The following STXBP6 variants were observed in gnomAD, a reference collection of about 807,000 sequenced individuals.
STXBP6 encodes syntaxin-binding protein 6.
A neutral mutation model predicts 26.9 loss-of-function variants in STXBP6; 21 were observed. That is an observed-to-expected ratio of 0.78 (90% CI 0.55 to 1.12). STXBP6 has a LOEUF of 1.12. STXBP6 is among the 50% of genes most tolerant of loss of function. The pLI is 0.00. For synonymous variants in STXBP6, 97 were observed against 92.6 expected (o/e 1.05, Z -0.27); for missense variants, 232 against 257.9 (o/e 0.90, Z 0.69).
intron 2 of STXBP6, among the ~76,000 whole-genome samples, chr14:24,896,747 G>A (rs10483289): frequency 0.34 from 51,124 of 151,928 alleles, 8,690 homozygotes; most frequent in African/African-American, 0.41. Flanking sequence ...AAGGTGGTTA[G>A]GATTAACAGC....
intron 2 of STXBP6, among the ~76,000 whole-genome samples, chr14:24,905,462 A>G (rs1256143149): frequency 6.6e-6 from 1 of 151,948 alleles, no homozygotes; most frequent in Non-Finnish European, 1.5e-5. Context: ...CTTTCTGCGC[A>G]CTCTTCACCC....
chr14:24,949,673 T>C (rs988546911), intron 2 of STXBP6, among the ~76,000 whole-genome samples: 1 of 152,224 alleles, frequency 6.6e-6, no homozygotes, highest in Non-Finnish European at 1.5e-5. Context: ...ATAAAAATAG[T>C]GTTAAATTAA....
At chr14:24,955,787 C>A (rs984326338) in intron 2 of STXBP6, among the ~76,000 whole-genome samples, 4 of 152,196 alleles carry the variant, frequency 2.6e-5, no homozygotes, top group African/African-American at 9.7e-5. Flanking sequence ...GAGACAACAA[C>A]CACAGTAAGA....
chr14:24,955,650 A>T, intron 2 of STXBP6, among the ~76,000 whole-genome samples: 1 of 152,232 alleles, frequency 6.6e-6, no homozygotes, highest in Non-Finnish European at 1.5e-5. Context: ...GTACCGTGGT[A>T]AGGAAGTGAG....
chr14:24,867,763 G>T (rs955270652), intron 2 of STXBP6, among the ~76,000 whole-genome samples: 4 of 152,154 alleles, frequency 2.6e-5, no homozygotes, highest in African/African-American at 4.8e-5. Flanking sequence ...TTACGGCAAA[G>T]ATTTCCTATA....
At chr14:24,863,985 G>A (rs1287289971) in intron 2 of STXBP6, among the ~76,000 whole-genome samples, 1 of 152,154 alleles carries the variant, frequency 6.6e-6, no homozygotes, top group East Asian at 1.9e-4. Flanking sequence ...AATGCCCAGA[G>A]TTGTGACAAC....
chr14:24,897,364 C>T (rs1173508381), intron 2 of STXBP6, among the ~76,000 whole-genome samples: 43 of 142,312 alleles, frequency 3.0e-4, no homozygotes, highest in African/African-American at 1.0e-3. Context: ...GAGCCAAGAT[C>T]GCGCCACTGC....
intron 1 of STXBP6, among the ~76,000 whole-genome samples, chr14:25,006,415 G>A (rs963302009): frequency 9.9e-5 from 15 of 152,132 alleles, no homozygotes; most frequent in Admixed American, 6.5e-4. Context: ...ATGTATATGT[G>A]TGTGTATACA....
intron 2 of STXBP6, among the ~76,000 whole-genome samples, chr14:24,966,559 G>A (rs2073740643): frequency 6.6e-6 from 1 of 152,120 alleles, no homozygotes; most frequent in Non-Finnish European, 1.5e-5. Context: ...CTGTTGTGAG[G>A]ATTAAATGAG....
At chr14:24,902,240 T>C (rs933462460) in intron 2 of STXBP6, among the ~76,000 whole-genome samples, 3 of 152,266 alleles carry the variant, frequency 2.0e-5, no homozygotes, top group Middle Eastern at 6.8e-3. Flanking sequence ...CAGATTTAAA[T>C]ATCCAGTGAT....
intron 1 of STXBP6, among the ~76,000 whole-genome samples, chr14:25,026,166 T>C (rs1379581873): frequency 6.6e-6 from 1 of 152,168 alleles, no homozygotes; most frequent in East Asian, 1.9e-4. Flanking sequence ...GTCTTATTCT[T>C]ATCAGTAGCC....
rs77405404 is a variant in STXBP6, at chr14:24,922,848, T to C, written c.154+51817A>G. ...AATTAACTTAAATGAAAGAACAGCA[T>C]GTCCAGTTCAGTGATGAACTTATTT... is the stretch of plus-strand genomic sequence containing the variant. On this transcript the variant is annotated intron_variant, in intron 2 of 5. Coordinates refer to ENST00000323944, the MANE Select transcript of STXBP6 (RefSeq NM_001394410.1). Among the ~76,000 whole-genome samples, 11 of 152,250 alleles carry C rather than the reference T, an allele frequency of 7.2e-5. No homozygotes were observed. In the East Asian group the frequency reaches 1.9e-3, roughly 27 times the overall value.
chr14:24,864,421 A>G (rs927992650), intron 2 of STXBP6, among the ~76,000 whole-genome samples: 1 of 152,136 alleles, frequency 6.6e-6, no homozygotes, highest in Non-Finnish European at 1.5e-5. Flanking sequence ...CTTAGAACTA[A>G]AAAACCCTTT....
intron 2 of STXBP6, among the ~76,000 whole-genome samples, chr14:24,932,796 C>A (rs1395289275): frequency 1.3e-5 from 2 of 152,048 alleles, no homozygotes; most frequent in Non-Finnish European, 2.9e-5. Context: ...AAGAAAGACT[C>A]CAAGATTCCT....
chr14:25,047,903 T>G (rs1397855841), intron 1 of STXBP6, among the ~76,000 whole-genome samples: 4 of 152,208 alleles, frequency 2.6e-5, no homozygotes, highest in Non-Finnish European at 5.9e-5. Flanking sequence ...GCCTTGAGTT[T>G]CAAACTAAGG....
chr14:24,871,313 C>T (rs536351899), intron 2 of STXBP6, among the ~76,000 whole-genome samples: 93 of 152,212 alleles, frequency 6.1e-4, no homozygotes, highest in African/African-American at 2.1e-3. Context: ...ATCAATAGAG[C>T]ATATCCACTG....
chr14:25,032,125 CACAGGAGGAAA>C, intron 1 of STXBP6, among the ~76,000 whole-genome samples: 1 of 152,272 alleles, frequency 6.6e-6, no homozygotes, highest in South Asian at 2.1e-4. Flanking sequence ...AACAGAGGCA[CACAGGAGGAAA>C]ACAGACTGAC....
At chr14:24,961,506 G>T (rs1260214365) in intron 2 of STXBP6, among the ~76,000 whole-genome samples, 4 of 151,224 alleles carry the variant, frequency 2.6e-5, no homozygotes, top group Admixed American at 1.3e-4. Context: ...GAATGAACAT[G>T]GATGGAGGCC....
At chr14:24,849,792 C>A (rs2069084634) in intron 4 of STXBP6, among the ~76,000 whole-genome samples, 2 of 152,130 alleles carry the variant, frequency 1.3e-5, no homozygotes, top group African/African-American at 4.8e-5. Flanking sequence ...AAGAAGCAAC[C>A]ATATGGTGGT....
Sources: allele counts gnomAD v4.1 joint callset (sites outside exome capture counted in the v4.1 genomes callset), GRCh38; gene constraint gnomAD v4.1.1; transcripts MANE v1.5; gene names NCBI Gene and HGNC (gene_info 2026-07-23, HGNC 2026-07-21).